Variants in MKLN1 observed in about 807,000 individuals in gnomAD.
The protein encoded by MKLN1 is muskelin.
In MKLN1, 18 loss-of-function variants were observed where a neutral mutation model predicts 99.0. That is an observed-to-expected ratio of 0.18 (90% CI 0.13 to 0.27). MKLN1 has a LOEUF of 0.27. MKLN1 is among the 10% of genes least tolerant of loss of function. The probability of loss-of-function intolerance (pLI) is 1.00; values close to 1 mark genes in which losing one functional copy is unlikely to be tolerated. For synonymous variants in MKLN1, 288 were observed against 293.2 expected (o/e 0.98, Z 0.18); for missense variants, 621 against 875.9 (o/e 0.71, Z 3.67).
At chr7:131,442,969 A>G (rs1795885968) in intron 10 of MKLN1, among the ~76,000 whole-genome samples, 3 of 152,200 alleles carry the variant, frequency 2.0e-5, no homozygotes, top group Admixed American at 1.3e-4. Flanking sequence ...ATTGTTGTAA[A>G]TGTCCTTTTG....
intron 11 of MKLN1, among the ~76,000 whole-genome samples, chr7:131,444,171 G>A (rs976177050): frequency 2.6e-5 from 4 of 151,996 alleles, no homozygotes; most frequent in Admixed American, 6.5e-5. Context: ...CCAACATGGC[G>A]AAACCCCATC....
chr7:131,448,519 G>C (rs1796084554), intron 12 of MKLN1, among the ~76,000 whole-genome samples: 1 of 152,134 alleles, frequency 6.6e-6, no homozygotes, highest in Non-Finnish European at 1.5e-5. Flanking sequence ...ATGTCAAACT[G>C]TCCAGAGATA....
At chr7:131,221,473 G>C (rs1347607356) in intron 3 of MKLN1, among the ~76,000 whole-genome samples, 1 of 149,874 alleles carries the variant, frequency 6.7e-6, no homozygotes, top group Non-Finnish European at 1.5e-5. Context: ...ACCAACTGAG[G>C]TTTCCATTCT....
intron 17 of MKLN1, among the ~76,000 whole-genome samples, chr7:131,483,204 G>A (rs561535973): frequency 2.1e-4 from 32 of 152,138 alleles, no homozygotes; most frequent in African/African-American, 7.5e-4. Flanking sequence ...AGTAGTTGTG[G>A]TACTGTTGAT....
rs970867002 is a variant in MKLN1, at chr7:131,329,086, T to C, written c.98+1089T>C. Among the ~76,000 whole-genome samples, 4 of 152,334 alleles carry C rather than the reference T, an allele frequency of 2.6e-5. No individual in the cohort carries two copies. The South Asian group carries it at 8.3e-4, about 32-fold the overall frequency. On this transcript the variant is annotated intron_variant, in intron 1 of 17. Coordinates refer to ENST00000352689, the MANE Select transcript of MKLN1 (RefSeq NM_013255.5). ...TTAATGAATAATATATTTTACTGAG[T>C]ATTTTACTAAACAAAAAAGTGACTA... is the stretch of plus-strand genomic sequence containing the variant.
At chr7:131,251,879 A>G (rs762091470) in intron 3 of MKLN1, among the ~76,000 whole-genome samples, 2 of 152,046 alleles carry the variant, frequency 1.3e-5, no homozygotes, top group African/African-American at 4.8e-5. Context: ...ATGTTTTGCC[A>G]TGTTTTCCAG....
intron 3 of MKLN1, among the ~76,000 whole-genome samples, chr7:131,286,062 T>C (rs1182827451): frequency 1.3e-5 from 2 of 151,982 alleles, no homozygotes; most frequent in Non-Finnish European, 2.9e-5. Flanking sequence ...GCGATTCTCG[T>C]GCCTCCACCT....
intron 3 of MKLN1, among the ~76,000 whole-genome samples, chr7:131,288,285 C>A (rs62472022): frequency 0.18 from 27,549 of 152,040 alleles, 2,668 homozygotes; most frequent in African/African-American, 0.25. Context: ...ATGGGTTTGG[C>A]ATTAGGTATG....
At chr7:131,160,819 C>T (rs73149828) in intron 2 of MKLN1, among the ~76,000 whole-genome samples, 4,076 of 151,970 alleles carry the variant, frequency 0.027, 80 homozygotes, top group Non-Finnish European at 0.042. Context: ...CATGAGCCAC[C>T]GCACCTGGCC....
At chr7:131,420,261 G>A (rs1038724277) in intron 8 of MKLN1, among the ~76,000 whole-genome samples, 3 of 151,810 alleles carry the variant, frequency 2.0e-5, no homozygotes, top group Non-Finnish European at 4.4e-5. Flanking sequence ...CTATTAGTGA[G>A]TATGAGAAGG....
chr7:131,319,686 T>C (rs1036631144), intron 3 of MKLN1, among the ~76,000 whole-genome samples: 1 of 152,166 alleles, frequency 6.6e-6, no homozygotes, highest in African/African-American at 2.4e-5. Flanking sequence ...GATTATATAT[T>C]TAGAAAACCC....
intron 11 of MKLN1, among the ~76,000 whole-genome samples, chr7:131,444,790 T>A (rs1563352086): frequency 6.8e-6 from 1 of 147,502 alleles, no homozygotes; most frequent in Non-Finnish European, 1.5e-5. Flanking sequence ...GTAGTAGTAG[T>A]AGTAGTAGTA....
chr7:131,118,735 G>A (rs953582259), intron 1 of MKLN1, among the ~76,000 whole-genome samples: 6 of 152,296 alleles, frequency 3.9e-5, no homozygotes, highest in Non-Finnish European at 7.4e-5. Flanking sequence ...CACATGGCCA[G>A]CACAGAAGAA....
chr7:131,192,191 A>G lies in MKLN1; in HGVS notation c.-296-10666A>G, dbSNP rs1330535121. Among the ~76,000 whole-genome samples the G allele has an allele frequency of 2.6e-4, 23 of 89,052 alleles. 6 individuals are homozygous for G. Among genetic ancestry groups the G allele is most frequent in the African/African-American group, 1.0e-3 (21 of 20,646 alleles). The allele number at this position is 89,052 out of a possible 152,430, so 58.4% of individuals were successfully genotyped here. A position where few individuals can be genotyped will look rare whatever the true frequency, so the allele number is the denominator to read the frequency against. ...TGTATAATATATAAAAATATATAAA[A>G]TATAATATATACAATATATAAATAT... On this transcript the variant is annotated intron_variant, in intron 2 of 7. Coordinates refer to the MKLN1 transcript ENST00000416992.
intron 3 of MKLN1, among the ~76,000 whole-genome samples, chr7:131,303,915 G>C (rs902909107): frequency 6.6e-5 from 10 of 152,164 alleles, no homozygotes; most frequent in Non-Finnish European, 1.3e-4. Flanking sequence ...CTGATTTATA[G>C]ATGATCCCTA....
At chr7:131,247,899 T>TTG (rs1211872442) in intron 3 of MKLN1, among the ~76,000 whole-genome samples, 4 of 152,028 alleles carry the variant, frequency 2.6e-5, no homozygotes, top group Middle Eastern at 3.4e-3. Flanking sequence ...TTTGTTTTGT[T>TTG]TGTGCGTGTG....
rs1299711633 is a variant in MKLN1, at chr7:131,494,953, C to CTTT, written c.*7228_*7230dup. The CTTT allele has an allele frequency of 6.6e-6, 1 of 152,100 alleles. No homozygotes were observed. The highest frequency in any genetic ancestry group is 1.5e-5 in the Non-Finnish European group (1 of 67,996). The allele number at this position is 152,100 out of a possible 1,614,324, so 9.4% of individuals were successfully genotyped here. On this transcript the variant is annotated 3_prime_UTR_variant, in exon 18 of 18. Coordinates refer to ENST00000352689, the MANE Select transcript of MKLN1 (RefSeq NM_013255.5). ...CATACACATACATTTTTAAAATGCT[C>CTTT]TTTTTAAAGAGATTCTTATCTTGCT...
intron 4 of MKLN1, among the ~76,000 whole-genome samples, chr7:131,393,455 T>C (rs944161081): frequency 6.6e-6 from 1 of 152,232 alleles, no homozygotes; most frequent in African/African-American, 2.4e-5. Flanking sequence ...TCATCTGTAA[T>C]ATATATGCCC....
chr7:131,472,269 T>A (rs1284803014), intron 16 of MKLN1: 3 of 152,242 alleles, frequency 2.0e-5, no homozygotes, highest in Non-Finnish European at 4.4e-5. Context: ...CTGGGAACAA[T>A]CATTTTTTCC....
Sources: gnomAD v4.1 joint callset for allele counts (sites outside exome capture counted in the v4.1 genomes callset) on GRCh38, gnomAD v4.1.1 for gene constraint, MANE v1.5 for transcripts, NCBI Gene and HGNC (gene_info 2026-07-23, HGNC 2026-07-21) for gene names.